Variants in TLN2 observed in about 807,000 individuals in gnomAD.
The protein encoded by TLN2 is talin-2.
In TLN2, 118 loss-of-function variants were observed where a neutral mutation model predicts 294.7. That is an observed-to-expected ratio of 0.40 (90% CI 0.34 to 0.47). TLN2 has a LOEUF of 0.47. TLN2 is among the 20% of genes least tolerant of loss of function. The pLI is 0.84. For missense variants in TLN2, 3,083 were observed against 3,282.2 expected, an observed-to-expected ratio of 0.94 and a Z score of 1.48; for synonymous variants, 1,431 against 1,304.5, an observed-to-expected ratio of 1.10 and a Z score of -2.09.
rs1596574094 is a variant in TLN2, at chr15:62,666,384, G to T, written c.789-7443G>T. The stretch of plus-strand genomic sequence containing the variant: ...AGAGGCTTCACGCAGCATTCACCTT[G>T]CTTGGTCTTCTGCTCCTTTGCCTTG... On this transcript the variant is annotated intron_variant, in intron 9 of 58. Transcript: ENST00000636159. 2.0e-5 allele frequency among the ~76,000 whole-genome samples: 3 copies of T among 152,208 alleles called. No individual in the cohort carries two copies. In the South Asian group the frequency reaches 6.2e-4, roughly 32 times the overall value.
intron 57 of TLN2, 136 bp downstream of exon 57, chr15:62,836,209 C>G (rs2069542576): frequency 4.9e-6 from 6 of 1,219,558 alleles, no homozygotes; most frequent in Non-Finnish European, 6.9e-6. Flanking sequence ...CCAGCCTCAT[C>G]TACTGCGTGC....
At chr15:62,658,750 C>T (rs375529376) in intron 9 of TLN2, among the ~76,000 whole-genome samples, 1 of 152,192 alleles carries the variant, frequency 6.6e-6, no homozygotes. Context: ...CGGGAAGCTT[C>T]CCCTTCTCTT....
At chr15:62,691,075 T>G (rs1471582815) in intron 12 of TLN2, among the ~76,000 whole-genome samples, 22 of 148,848 alleles carry the variant, frequency 1.5e-4, no homozygotes, top group East Asian at 1.2e-3. Flanking sequence ...GGGAGGGGTA[T>G]GGGCTTCTTA....
intron 9 of TLN2, among the ~76,000 whole-genome samples, chr15:62,669,669 G>A (rs1314816917): frequency 6.6e-6 from 1 of 152,112 alleles, no homozygotes; most frequent in Non-Finnish European, 1.5e-5. Context: ...CTCTGACAAG[G>A]CTGACAGATT....
At chr15:62,536,455 A>T (rs2041358285) in intron 1 of TLN2, among the ~76,000 whole-genome samples, 1 of 152,186 alleles carries the variant, frequency 6.6e-6, no homozygotes. Context: ...AAAAGAAGGA[A>T]TCCAAGAACA....
chr15:62,576,646 GATA>G (rs2044432106), intron 1 of TLN2, among the ~76,000 whole-genome samples: 1 of 132,520 alleles, frequency 7.5e-6, no homozygotes, highest in Non-Finnish European at 1.6e-5. Context: ...GGGAAAAAAA[GATA>G]ATGGAATGAT....
chr15:62,739,238 A>G, intron 30 of TLN2, 110 bp from the exon 31 acceptor site: 1 of 1,243,380 alleles, frequency 8.0e-7, no homozygotes, highest in South Asian at 1.6e-5. Flanking sequence ...TTTAATCGTG[A>G]TGACTCAAAT....
chr15:62,647,655 G>A (rs1369014501), intron 4 of TLN2, among the ~76,000 whole-genome samples: 1 of 152,202 alleles, frequency 6.6e-6, no homozygotes, highest in Non-Finnish European at 1.5e-5. Context: ...CATTGTCACT[G>A]TGCCCAGCAA....
intron 43 of TLN2, 54 bp from the exon 44 acceptor site, chr15:62,781,086 C>A: frequency 7.3e-7 from 1 of 1,369,074 alleles, no homozygotes; most frequent in South Asian, 1.2e-5. Flanking sequence ...TAAATACAGT[C>A]TACACTTCAG....
chr15:62,513,931 A>G (rs752481687), intron 1 of TLN2, among the ~76,000 whole-genome samples: 3 of 152,200 alleles, frequency 2.0e-5, no homozygotes, highest in Non-Finnish European at 4.4e-5. Context: ...TCTTTAGTCT[A>G]GGGCGGAGAA....
intron 9 of TLN2, among the ~76,000 whole-genome samples, chr15:62,670,432 C>G (rs539651657): frequency 6.6e-6 from 1 of 152,114 alleles, no homozygotes; most frequent in Non-Finnish European, 1.5e-5. Context: ...ATGTTGGTGC[C>G]GTCCAATTCT....
chr15:62,471,560 C>T (rs1271202710), intron 1 of TLN2, among the ~76,000 whole-genome samples: 1 of 152,144 alleles, frequency 6.6e-6, no homozygotes, highest in African/African-American at 2.4e-5. Context: ...CCTCCACTGG[C>T]CCCTTCATAC....
In TLN2 at chr15:62,815,193, A is replaced by T. The variant is rs956942927; in HGVS notation, c.6772-4323A>T. ...TTCTGTCTGTCACACACACACACAC[A>T]CACACACACACACACACACACACAC... On this transcript the variant is annotated intron_variant, in intron 52 of 58. Coordinates refer to ENST00000636159, the MANE Select transcript of TLN2 (RefSeq NM_015059.3). Among the ~76,000 whole-genome samples the T allele has an allele frequency of 7.1e-3, 1,054 of 147,714 alleles. 7 individuals carry two copies. Among genetic ancestry groups the T allele is most frequent in the South Asian group, 0.018 (85 of 4,642 alleles).
intron 2 of TLN2, among the ~76,000 whole-genome samples, chr15:62,606,935 G>T (rs115814365): frequency 0.024 from 3,710 of 152,220 alleles, 94 homozygotes; most frequent in South Asian, 0.069. Context: ...GGCCACTGTT[G>T]TTGTGTGGTC....
At chr15:62,522,598 G>A (rs554578500) in intron 1 of TLN2, among the ~76,000 whole-genome samples, 7 of 152,168 alleles carry the variant, frequency 4.6e-5, no homozygotes, top group African/African-American at 1.2e-4. Flanking sequence ...CAATAGAGGT[G>A]GGTATTTCCT....
chr15:62,805,581 C>T lies in TLN2; in HGVS notation c.6478-19C>T, dbSNP rs2066224696. 1.3e-6 allele frequency: 2 copies of T among 1,579,024 alleles called. No homozygotes were observed. Among genetic ancestry groups the T allele is most frequent in the East Asian group, 4.5e-5 (2 of 44,166 alleles). ...GTTTCCTTTTTGATTTTTTTAACCT[C>T]TCTGTTTCTGACTTCCAGGTGTTCC... On this transcript the variant is annotated intron_variant, in intron 50 of 58. Transcript: ENST00000636159.
chr15:62,477,561 T>C (rs539675312), intron 1 of TLN2, among the ~76,000 whole-genome samples: 1 of 152,330 alleles, frequency 6.6e-6, no homozygotes, highest in East Asian at 1.9e-4. Context: ...GGTTTGTCCA[T>C]TGAACCCTCC....
intron 1 of TLN2, among the ~76,000 whole-genome samples, chr15:62,467,650 A>C (rs538559349): frequency 5.4e-4 from 82 of 151,880 alleles, no homozygotes; most frequent in Admixed American, 8.5e-4. Context: ...GCGCCATTGC[A>C]CTCCAGCCTG....
chr15:62,475,937 T>C (rs2037760656), intron 1 of TLN2, among the ~76,000 whole-genome samples: 1 of 152,230 alleles, frequency 6.6e-6, no homozygotes, highest in Non-Finnish European at 1.5e-5. Flanking sequence ...GATTCTGCAA[T>C]TCTATTCCTG....
Sources: gnomAD v4.1 joint callset for allele counts (sites outside exome capture counted in the v4.1 genomes callset) on GRCh38, gnomAD v4.1.1 for gene constraint, MANE v1.5 for transcripts, NCBI Gene and HGNC (gene_info 2026-07-23, HGNC 2026-07-21) for gene names.